The following TAF1 variants were observed in gnomAD, a reference collection of about 807,000 sequenced individuals.
TAF1 encodes the protein TATA-box binding protein associated factor 1, also known as transcription initiation factor TFIID subunit 1.
TAF1 carries 2 observed loss-of-function variants against 138.5 expected under a neutral mutation model. That is an observed-to-expected ratio of 0.01 (90% CI 0.01 to 0.05). The LOEUF is 0.05. Ranked by LOEUF, TAF1 falls within the 10% of genes least tolerant of loss-of-function variation. TAF1 has a pLI of 1.00. For missense variants in TAF1, 709 were observed against 1,478.0 expected, an observed-to-expected ratio of 0.48 and a Z score of 8.53; for synonymous variants, 437 against 503.2, an observed-to-expected ratio of 0.87 and a Z score of 1.76.
In TAF1 at chrX:71,507,273, C is replaced by G. The variant is rs1427210398; in HGVS notation, c.1367-21269C>G. Among the ~76,000 whole-genome samples the G allele has an allele frequency of 2.7e-5, 3 of 111,827 alleles. No individual in the cohort carries two copies. The Admixed American group carries it at 2.9e-4, about 11-fold the overall frequency. ...TTTAGACAGGTCTAGTTCTGTCACT[C>G]AAGCTGGAGGGCAGTGACATGATCA... On this transcript the variant is annotated intron_variant and NMD_transcript_variant, in intron 13 of 14. Transcript: ENST00000373775.
intron 22 of TAF1, among the ~76,000 whole-genome samples, chrX:71,396,749 A>C (rs1316708431): frequency 9.0e-6 from 1 of 111,016 alleles, no homozygotes; most frequent in Non-Finnish European, 1.9e-5. Context: ...AAGTTGGGAA[A>C]TTGGCCAGGC....
rs746006954 is a variant in TAF1 at position 71,395,125 on chromosome X, G to T, written c.3406+880G>T. On this transcript the variant is annotated intron_variant, in intron 22 of 37. Transcript: ENST00000423759. Reference sequence around the variant, plus strand: ...ATAATAAAGACCTGAATTGGGTTGGGATATGGAGGGCATTAAGGATGAAAA... The same window carrying T: ...ATAATAAAGACCTGAATTGGGTTGGTATATGGAGGGCATTAAGGATGAAAA... 2.7e-5 allele frequency among the ~76,000 whole-genome samples: 3 copies of T among 111,913 alleles called. No individual in the cohort carries two copies. In the East Asian group the frequency reaches 8.4e-4, roughly 31 times the overall value.
chrX:71,390,652 GACA>G (rs1265430202), intron 18 of TAF1, among the ~76,000 whole-genome samples: 2 of 111,559 alleles, frequency 1.8e-5, no homozygotes, highest in African/African-American at 6.5e-5. Context: ...GAGTAGCTGG[GACA>G]ACAAGCACAC....
chrX:71,523,180 CAAAAAAA>C lies in TAF1; in HGVS notation c.1367-5340_1367-5334del, dbSNP rs754302629. ...CTGGAGACAGAGCAAGACTCCCTCT[CAAAAAAA>C]AAAAAAAAAAAAAAAAAAAAATCCG... On this transcript the variant is annotated intron_variant and NMD_transcript_variant, in intron 13 of 14. Coordinates refer to the TAF1 transcript ENST00000373775. Among the ~76,000 whole-genome samples the C allele has an allele frequency of 1.3e-4, 2 of 15,379 alleles. 1 individual carries two copies. The highest frequency in any genetic ancestry group is 1.9e-3 in the Admixed American group (2 of 1,041). The allele number at this position is 15,379 out of a possible 115,157, so 13.4% of individuals were successfully genotyped here.
At chrX:71,517,770 G>T (rs779284181) in intron 13 of TAF1, among the ~76,000 whole-genome samples, 1 of 111,958 alleles carries the variant, frequency 8.9e-6, no homozygotes, top group East Asian at 2.8e-4. Context: ...GTATGTGTAG[G>T]GGGGTTTATT....
intron 32 of TAF1, among the ~76,000 whole-genome samples, chrX:71,435,628 A>G (rs2037100339): frequency 8.9e-6 from 1 of 111,948 alleles, no homozygotes; most frequent in African/African-American, 3.2e-5. Flanking sequence ...TCAGTGTCTG[A>G]AAACAGTTGT....
chrX:71,445,338 A>G (rs113976231), intron 32 of TAF1, among the ~76,000 whole-genome samples: 1,137 of 107,463 alleles, frequency 0.011, 13 homozygotes, highest in South Asian at 0.018. Flanking sequence ...AGTTCAGATC[A>G]CAAAGGTTTT....
At chrX:71,507,284 G>A (rs1439167443) in intron 13 of TAF1, among the ~76,000 whole-genome samples, 1 of 111,483 alleles carries the variant, frequency 9.0e-6, no homozygotes, top group Non-Finnish European at 1.9e-5. Flanking sequence ...AAGCTGGAGG[G>A]CAGTGACATG....
At chrX:71,399,538 A>C (rs1445855923) in intron 24 of TAF1, among the ~76,000 whole-genome samples, 1 of 95,447 alleles carries the variant, frequency 1.0e-5, no homozygotes, top group Non-Finnish European at 2.1e-5. Context: ...TTACAGGCAT[A>C]AGCCACCACG....
chrX:71,417,790 A>T (rs1569324126), intron 28 of TAF1, among the ~76,000 whole-genome samples: 2 of 111,795 alleles, frequency 1.8e-5, no homozygotes, highest in Non-Finnish European at 3.8e-5. Context: ...ATCATAAGTC[A>T]AGGAGCATCT....
intron 8 of TAF1, among the ~76,000 whole-genome samples, chrX:71,379,345 A>T (rs1311098721): frequency 9.3e-6 from 1 of 107,791 alleles, no homozygotes; most frequent in Non-Finnish European, 1.9e-5. Context: ...CGAACTCCCG[A>T]CCTCAGGTGA....
chrX:71,441,687 T>C (rs753696155), intron 32 of TAF1: 53 of 295,637 alleles, frequency 1.8e-4, no homozygotes, highest in South Asian at 8.2e-4. Context: ...TTTTGTATCT[T>C]TTTTTTTTCT....
intron 13 of TAF1, among the ~76,000 whole-genome samples, chrX:71,520,560 TA>T (rs1171686460): frequency 2.7e-5 from 2 of 73,186 alleles, no homozygotes; most frequent in African/African-American, 1.0e-4. Flanking sequence ...TGGGCACCTG[TA>T]ATCCCAGCTA....
chrX:71,456,998 C>T (rs186419582), intron 34 of TAF1, among the ~76,000 whole-genome samples: 1 of 111,675 alleles, frequency 9.0e-6, no homozygotes, highest in Non-Finnish European at 1.9e-5. Flanking sequence ...ACTGTTTCCA[C>T]CTAACTTGGA....
chrX:71,470,222 G>A (rs943525083), downstream of TAF1, among the ~76,000 whole-genome samples: 2 of 110,302 alleles, frequency 1.8e-5, no homozygotes, highest in African/African-American at 6.6e-5. Context: ...TAATAATATT[G>A]TAAAATAATA....
At chrX:71,426,671 C>T (rs1219787215) in intron 32 of TAF1, among the ~76,000 whole-genome samples, 6 of 107,965 alleles carry the variant, frequency 5.6e-5, no homozygotes, top group East Asian at 2.9e-4. Flanking sequence ...GCCGAGATGC[C>T]GCCATTGCAC....
intron 37 of TAF1, among the ~76,000 whole-genome samples, chrX:71,462,430 G>C (rs1909823789): frequency 9.1e-6 from 1 of 110,421 alleles, no homozygotes; most frequent in Non-Finnish European, 1.9e-5. Flanking sequence ...ACAAAAATTA[G>C]CTGGGCCTGG....
rs2035544942 is a variant in TAF1, at chrX:71,407,679, T to C, written c.4206+7T>C. 8.4e-7 allele frequency: 1 copy of C among 1,196,151 alleles called. No individual in the cohort carries two copies. Among genetic ancestry groups the C allele is most frequent in the African/African-American group, 1.7e-5 (1 of 57,573 alleles). ...CATGAGAGATCTTCCAAATGTGAGT[T>C]CATTGCATTGGATATCTATAGTAGG... is the stretch of plus-strand genomic sequence containing the variant. On this transcript the variant is annotated splice_region_variant and intron_variant, in intron 27 of 37. Transcript: ENST00000423759.
Position 71,456,649 on chromosome X carries a change from C to CTTTTTTTTTTTTTTTTTTTT in TAF1, c.4939-1568_4939-1549dup, listed in dbSNP as rs776321706. Among the ~76,000 whole-genome samples the CTTTTTTTTTTTTTTTTTTTT allele has an allele frequency of 2.6e-4, 7 of 26,826 alleles. 1 individual carries two copies. The highest frequency in any genetic ancestry group is 1.2e-3 in the East Asian group (1 of 859). 23.3% of individuals were successfully genotyped at this position (26,826 alleles called of 115,157 possible). A position where few individuals can be genotyped will look rare whatever the true frequency, so the allele number is the denominator to read the frequency against. Reference sequence around the variant, plus strand: ...ATGGTGGTGGTCAATAATGTATTTTCTTTTTTTTTTTTTTTTTTTTTTTTT... The same window carrying CTTTTTTTTTTTTTTTTTTTT: ...ATGGTGGTGGTCAATAATGTATTTTCTTTTTTTTTTTTTTTTTTTTTTTTTTTTTTTTTTTTTTTTTTTTT... On this transcript the variant is annotated intron_variant, in intron 34 of 37. Coordinates refer to ENST00000423759, the MANE Select transcript of TAF1 (RefSeq NM_004606.5).
Sources: allele counts gnomAD v4.1 joint callset (sites outside exome capture counted in the v4.1 genomes callset), GRCh38; gene constraint gnomAD v4.1.1; transcripts MANE v1.5; gene names NCBI Gene and HGNC (gene_info 2026-07-23, HGNC 2026-07-21).